The following HERC1 variants were observed in gnomAD, a reference collection of about 807,000 sequenced individuals.
The protein encoded by HERC1 is HECT and RLD domain containing E3 ubiquitin protein ligase family member 1.
A neutral mutation model predicts 554.3 loss-of-function variants in HERC1; 160 were observed. The observed-to-expected ratio is 0.29, with a 90% CI of 0.25 to 0.33. The LOEUF is 0.33. HERC1 is among the 10% of genes least tolerant of loss of function. The pLI is 1.00. For missense variants in HERC1, 4,919 were observed against 5,918.5 expected (o/e 0.83, Z 5.54); for synonymous variants, 2,175 against 2,131.7 (o/e 1.02, Z -0.56).
chr15:63,820,359 G>A (rs1035430467), intron 1 of HERC1, among the ~76,000 whole-genome samples: 2 of 152,056 alleles, frequency 1.3e-5, no homozygotes, highest in African/African-American at 4.8e-5. Context: ...CATTATACAT[G>A]ACTGAATACT....
At chr15:63,620,108 C>T (rs2068007673) in intron 74 of HERC1, among the ~76,000 whole-genome samples, 1 of 152,040 alleles carries the variant, frequency 6.6e-6, no homozygotes, top group African/African-American at 2.4e-5. Context: ...TTCGATCTTT[C>T]CTGCTTTCTC....
At chr15:63,646,629 G>A (rs572949094) in intron 55 of HERC1, among the ~76,000 whole-genome samples, 24 of 151,154 alleles carry the variant, frequency 1.6e-4, no homozygotes, top group Admixed American at 1.1e-3. Context: ...GTGAAACCCC[G>A]TCTCTAGTAA....
chr15:63,632,568 A>T (rs2068609378), intron 68 of HERC1, 141 bp downstream of exon 68: 1 of 700,250 alleles, frequency 1.4e-6, no homozygotes, highest in East Asian at 2.7e-5. Context: ...GTGGAAAATT[A>T]TCTATACTGA....
In HERC1 at chr15:63,694,273, G is replaced by T; in HGVS notation, c.5480+39C>A. 1 of 1,585,134 alleles carries T rather than the reference G, an allele frequency of 6.3e-7. No individual in the cohort carries two copies. The highest frequency in any genetic ancestry group is 1.1e-5 in the South Asian group (1 of 87,600). ...GGAATTCTAAAATGGAGGAAGACCAGACTTCATACAGTTCTACAAAGACAT... is the reference window on the plus strand; with the variant it reads ...GGAATTCTAAAATGGAGGAAGACCATACTTCATACAGTTCTACAAAGACAT... On this transcript the variant is annotated intron_variant, in intron 29 of 77. Coordinates refer to ENST00000443617, the MANE Select transcript of HERC1 (RefSeq NM_003922.4). This position sits in a 1 kb window ranked among gnomAD's most constrained non-coding sequence, Gnocchi z 4.3.
chr15:63,679,285 C>G (rs1372857473), intron 36 of HERC1, among the ~76,000 whole-genome samples: 8 of 152,198 alleles, frequency 5.3e-5, no homozygotes, highest in Non-Finnish European at 1.0e-4. Context: ...GTTGTCCTGG[C>G]TGTCCAAGAA....
At chr15:63,827,532 T>C (rs542906338) in intron 1 of HERC1, among the ~76,000 whole-genome samples, 1 of 150,522 alleles carries the variant, frequency 6.6e-6, no homozygotes, top group East Asian at 2.0e-4. Context: ...TGCAAAAGAG[T>C]ATAGTATACT....
chr15:63,628,594 A>G, intron 70 of HERC1, 83 bp downstream of exon 70: 2 of 1,370,790 alleles, frequency 1.5e-6, no homozygotes, highest in South Asian at 2.9e-5. Context: ...TGCTGGATAC[A>G]GTTGGGAACT....
chr15:63,622,981 T>A, intron 73 of HERC1, 90 bp from the exon 74 acceptor site: 1 of 706,382 alleles, frequency 1.4e-6, no homozygotes, highest in Non-Finnish European at 2.3e-6. Context: ...GAAAAGAGAA[T>A]ATTTTGAGGA....
chr15:63,767,445 T>A (rs1037854659), intron 2 of HERC1, among the ~76,000 whole-genome samples: 4 of 151,498 alleles, frequency 2.6e-5, no homozygotes, highest in Middle Eastern at 3.4e-3. Context: ...ACAGCAAATA[T>A]CCCCAGCACT....
intron 39 of HERC1, among the ~76,000 whole-genome samples, chr15:63,670,761 G>C (rs570267322): frequency 6.6e-6 from 1 of 152,210 alleles, no homozygotes; most frequent in South Asian, 2.1e-4. Flanking sequence ...AACCATATTA[G>C]AATGTCGTAT....
intron 76 of HERC1, among the ~76,000 whole-genome samples, chr15:63,614,285 G>A (rs1424534104): frequency 6.6e-6 from 1 of 152,122 alleles, no homozygotes; most frequent in African/African-American, 2.4e-5. Flanking sequence ...CTCTGCTGTG[G>A]GCACTCAGTG....
Position 63,661,036 on chromosome 15 carries a change from C to A in HERC1, c.9171-11G>T, listed in dbSNP as rs1470388288. On this transcript the variant is annotated splice_polypyrimidine_tract_variant and intron_variant, in intron 45 of 77. Coordinates refer to ENST00000443617, the MANE Select transcript of HERC1 (RefSeq NM_003922.4). ...GCTTGTCCCTTGTACCTGCACCAAA[C>A]ATGAAGAACATTGCATTTTTATATA... The A allele has an allele frequency of 3.7e-6, 6 of 1,603,414 alleles. No individual in the cohort carries two copies. Among genetic ancestry groups the A allele is most frequent in the South Asian group, 3.3e-5 (3 of 90,748 alleles).
chr15:63,659,454 T>A (rs1392829687), intron 47 of HERC1, among the ~76,000 whole-genome samples: 1 of 152,090 alleles, frequency 6.6e-6, no homozygotes, highest in African/African-American at 2.4e-5. Context: ...GGTCTCACCA[T>A]GTTGCCCAGC....
At chr15:63,609,521 C>A (rs534303151) in intron 77 of HERC1, among the ~76,000 whole-genome samples, 19 of 152,346 alleles carry the variant, frequency 1.2e-4, no homozygotes, top group African/African-American at 4.6e-4. Context: ...AGGAGAAGCT[C>A]TGACTGGCAG....
intron 12 of HERC1, among the ~76,000 whole-genome samples, chr15:63,746,554 A>C (rs1244773787): frequency 6.6e-6 from 1 of 152,216 alleles, no homozygotes; most frequent in Non-Finnish European, 1.5e-5. Context: ...GATCCAGTCC[A>C]CTTATTCAGT....
intron 2 of HERC1, 98 bp from the exon 3 acceptor site, chr15:63,764,289 C>T (rs1207083871): frequency 5.2e-6 from 4 of 764,188 alleles, no homozygotes; most frequent in East Asian, 5.4e-5. Flanking sequence ...TATTTGAAGA[C>T]CTGTTTATAT....
At chr15:63,669,783 A>G in intron 39 of HERC1, 85 bp from the exon 40 acceptor site, 1 of 1,252,810 alleles carries the variant, frequency 8.0e-7, no homozygotes, top group African/African-American at 1.5e-5. Flanking sequence ...AAGAATATGC[A>G]ACCTGGAAGA....
chr15:63,812,621 C>T (rs74019028), intron 1 of HERC1, among the ~76,000 whole-genome samples: 1,533 of 152,154 alleles, frequency 0.01, 23 homozygotes, highest in African/African-American at 0.035. Context: ...TAAATCCATC[C>T]CTGTGGAACT....
chr15:63,637,366 G>T, intron 64 of HERC1, 139 bp downstream of exon 64: 1 of 695,294 alleles, frequency 1.4e-6, no homozygotes, highest in Non-Finnish European at 2.4e-6. Context: ...CTGCACACAT[G>T]CCTAAATAAG....
Sources: gnomAD v4.1 joint callset for allele counts (sites outside exome capture counted in the v4.1 genomes callset) on GRCh38, gnomAD v4.1.1 for gene constraint, Gnocchi (gnomAD v3.1) non-coding constraint, MANE v1.5 for transcripts, NCBI Gene and HGNC (gene_info 2026-07-23, HGNC 2026-07-21) for gene names.